LIMD1: variants seen among roughly 807,000 people sequenced by gnomAD.
LIMD1 encodes LIM domain containing 1.
LIMD1 carries 23 observed loss-of-function variants against 58.4 expected under a neutral mutation model. The ratio of observed to expected loss-of-function variants is 0.39; its 90% CI spans 0.28 to 0.56. The LOEUF is 0.56. Among genes scored for constraint, LIMD1 ranks in the 20% least tolerant of loss-of-function variants. The pLI is 0.57. For synonymous variants in LIMD1, 334 were observed against 345.5 expected (o/e 0.97, Z 0.37); for missense variants, 838 against 855.5 (o/e 0.98, Z 0.25).
chr3:45,648,250 A>ACT (rs1701927421), intron 2 of LIMD1, among the ~76,000 whole-genome samples: 1 of 151,702 alleles, frequency 6.6e-6, no homozygotes, highest in African/African-American at 2.4e-5. Context: ...TCACCTCCTT[A>ACT]CTCACCTTCC....
chr3:45,611,434 T>TA (rs1701521403), intron 1 of LIMD1, among the ~76,000 whole-genome samples: 1 of 152,156 alleles, frequency 6.6e-6, no homozygotes, highest in Non-Finnish European at 1.5e-5. Flanking sequence ...TCCAGCGCCT[T>TA]AAAAAATACA....
At chr3:45,634,061 A>G (rs1316631018) in intron 1 of LIMD1, among the ~76,000 whole-genome samples, 1 of 152,100 alleles carries the variant, frequency 6.6e-6, no homozygotes, top group Non-Finnish European at 1.5e-5. Flanking sequence ...TGTGAAGTTG[A>G]TTTTTCAAAA....
rs1206251618 is a variant in LIMD1, at chr3:45,685,682, C to T, written c.*8623C>T. Reference sequence around the variant, plus strand: ...TCTGGGGTACAGTGAGTCCACAGGGCAGGACGGCCTTGGAGTCAAGAGCCC... The same window carrying T: ...TCTGGGGTACAGTGAGTCCACAGGGTAGGACGGCCTTGGAGTCAAGAGCCC... On this transcript the variant is annotated 3_prime_UTR_variant, in exon 8 of 8. Transcript: ENST00000273317. 1 of 152,216 alleles carries T rather than the reference C, an allele frequency of 6.6e-6. No individual in the cohort carries two copies. Among genetic ancestry groups the T allele is most frequent in the Non-Finnish European group, 1.5e-5 (1 of 68,050 alleles). 9.4% of individuals were successfully genotyped at this position (152,216 alleles called of 1,614,324 possible).
chr3:45,596,516 G>A (rs1575339067), intron 1 of LIMD1, among the ~76,000 whole-genome samples: 1 of 152,210 alleles, frequency 6.6e-6, no homozygotes, highest in East Asian at 1.9e-4. Flanking sequence ...ACCCATGTGT[G>A]AAGGGTGCAG....
intron 3 of LIMD1, among the ~76,000 whole-genome samples, chr3:45,666,349 G>A (rs776211339): frequency 6.6e-6 from 1 of 152,098 alleles, no homozygotes; most frequent in Non-Finnish European, 1.5e-5. Flanking sequence ...TCATACCTCC[G>A]GCATGGCTCA....
chr3:45,683,687 G>C lies in LIMD1; in HGVS notation c.*6628G>C, dbSNP rs1405135588. ...TAGGGTGTACACCAAGTAACCAATGGGAAACCTCTAGAGGGTATTTAAATC... is the reference window on the plus strand; with the variant it reads ...TAGGGTGTACACCAAGTAACCAATGCGAAACCTCTAGAGGGTATTTAAATC... On this transcript the variant is annotated 3_prime_UTR_variant, in exon 8 of 8. Coordinates refer to ENST00000273317, the MANE Select transcript of LIMD1 (RefSeq NM_014240.3). 1 of 152,166 alleles carries C rather than the reference G, an allele frequency of 6.6e-6. No homozygotes were observed. The highest frequency in any genetic ancestry group is 1.5e-5 in the Non-Finnish European group (1 of 68,024). The allele number at this position is 152,166 out of a possible 1,614,324, so 9.4% of individuals were successfully genotyped here.
chr3:45,654,727 A>G (rs1262373582), intron 2 of LIMD1, among the ~76,000 whole-genome samples: 1 of 150,282 alleles, frequency 6.7e-6, no homozygotes, highest in Non-Finnish European at 1.5e-5. Context: ...CCAGCTACTC[A>G]AGGCTGAGGT....
chr3:45,595,639 C>T lies in LIMD1; in HGVS notation c.760C>T (p.Arg254Cys), dbSNP rs781113760. ...LGGQNSGIGG[R>C]SSEKPTGLWS... Reference sequence around the variant, plus strand: ...TGGTCAGAATAGTGGCATTGGTGGCCGCAGCAGCGAGAAGCCAACAGGCCT... The same window carrying T: ...TGGTCAGAATAGTGGCATTGGTGGCTGCAGCAGCGAGAAGCCAACAGGCCT... Residue 254 changes from arginine (R) to cysteine (C), a missense_variant, in exon 1 of 8, where the codon CGC (arginine) becomes TGC (cysteine). By Grantham distance (180) the Arg-to-Cys change is radical. Transcript: ENST00000273317. 27 of 1,613,974 alleles carry T rather than the reference C, an allele frequency of 1.7e-5. 1 individual carries two copies. The South Asian group carries it at 1.8e-4, about 11-fold the overall frequency.
At chr3:45,618,602 A>G (rs1701599300) in intron 1 of LIMD1, among the ~76,000 whole-genome samples, 1 of 152,156 alleles carries the variant, frequency 6.6e-6, no homozygotes. Flanking sequence ...TTTCCTAGAA[A>G]GGGAGGGAAG....
chr3:45,601,400 G>T lies in LIMD1; in HGVS notation c.1408+5113G>T, dbSNP rs979454568. ...ACTTTGGGCGAGGCAGCTCTGTGCA[G>T]CTGGGATAGTCTCTTCAGGGGCTGA... On this transcript the variant is annotated intron_variant, in intron 1 of 7. Transcript: ENST00000273317. Among the ~76,000 whole-genome samples the T allele has an allele frequency of 5.9e-5, 9 of 152,354 alleles. No individual in the cohort carries two copies. In the South Asian group the frequency reaches 1.7e-3, roughly 28 times the overall value.
chr3:45,607,465 A>T (rs925444811), intron 1 of LIMD1, among the ~76,000 whole-genome samples: 1 of 151,912 alleles, frequency 6.6e-6, no homozygotes, highest in African/African-American at 2.4e-5. Flanking sequence ...GGGAGTGAGG[A>T]TGGGTTACTC....
chr3:45,606,846 G>A (rs1043979570), intron 1 of LIMD1, among the ~76,000 whole-genome samples: 2 of 152,350 alleles, frequency 1.3e-5, no homozygotes, highest in Middle Eastern at 3.4e-3. Context: ...CCAGGCTGGA[G>A]TGCAGTGGCA....
intron 1 of LIMD1, among the ~76,000 whole-genome samples, chr3:45,634,316 T>C (rs970938331): frequency 4.6e-5 from 7 of 152,130 alleles, no homozygotes; most frequent in Non-Finnish European, 1.0e-4. Context: ...TTGACTGTAA[T>C]GGGGGAGTTC....
At position 45,679,592 on chromosome 3, in the gene LIMD1, TGAGGTAAAACAAG is replaced by T. The variant is rs2125672503; in HGVS notation, c.*2538_*2550del. On this transcript the variant is annotated 3_prime_UTR_variant, in exon 8 of 8. Transcript: ENST00000273317. ...TTTTCTTTTTGACAATTCTTGGACT[TGAGGTAAAACAAG>T]GAGGATTGTGGCCGGATTTCAGATC... The T allele has an allele frequency of 6.6e-6, 1 of 152,330 alleles. No individual in the cohort carries two copies. The highest frequency in any genetic ancestry group is 2.4e-5 in the African/African-American group (1 of 41,574). 9.4% of individuals were successfully genotyped at this position (152,330 alleles called of 1,614,324 possible). A position where few individuals can be genotyped will look rare whatever the true frequency, so the allele number is the denominator to read the frequency against.
At chr3:45,596,491 C>G (rs575943478) in intron 1 of LIMD1, among the ~76,000 whole-genome samples, 7 of 152,280 alleles carry the variant, frequency 4.6e-5, no homozygotes, top group South Asian at 4.2e-4. Flanking sequence ...GAAAGCGGAC[C>G]TTGCAGCTGG....
chr3:45,678,906 C>G lies in LIMD1; in HGVS notation c.*1847C>G, dbSNP rs1697704487. 1 of 152,212 alleles carries G rather than the reference C, an allele frequency of 6.6e-6. No homozygotes were observed. The highest frequency in any genetic ancestry group is 2.4e-5 in the African/African-American group (1 of 41,430). The allele number at this position is 152,212 out of a possible 1,614,324, so 9.4% of individuals were successfully genotyped here. On this transcript the variant is annotated 3_prime_UTR_variant, in exon 8 of 8. Coordinates refer to ENST00000273317, the MANE Select transcript of LIMD1 (RefSeq NM_014240.3). ...TCACTTCAGCCAGGGTGTGCATCAT[C>G]ATTGGTTCTTTTTCACAGGCTGAGC...
chr3:45,673,655 G>A, intron 6 of LIMD1, 150 bp downstream of exon 6: 1 of 650,716 alleles, frequency 1.5e-6, no homozygotes, highest in Non-Finnish European at 2.6e-6. Context: ...GCTCACGCCT[G>A]TAATCCCACC....
At position 45,625,852 on chromosome 3, in the gene LIMD1, C is replaced by T. The variant is rs1701664702; in HGVS notation, c.1409-10298C>T. On this transcript the variant is annotated intron_variant, in intron 1 of 7. Coordinates refer to ENST00000273317, the MANE Select transcript of LIMD1 (RefSeq NM_014240.3). ...AAATGTCTGCTCTTTATAAATTACT[C>T]AGTCTCGGGTATTCCATTATAGTAG... Among the ~76,000 whole-genome samples, 3 of 152,280 alleles carry T rather than the reference C, an allele frequency of 2.0e-5. No homozygotes were observed. In the South Asian group the frequency reaches 6.2e-4, roughly 32 times the overall value.
intron 4 of LIMD1, among the ~76,000 whole-genome samples, chr3:45,671,022 T>C (rs1697580442): frequency 6.6e-6 from 1 of 152,170 alleles, no homozygotes; most frequent in African/African-American, 2.4e-5. Flanking sequence ...TTAGGCACAA[T>C]GTGGATTAAA....
Sources: allele counts gnomAD v4.1 joint callset (sites outside exome capture counted in the v4.1 genomes callset), GRCh38; gene constraint gnomAD v4.1.1; transcripts MANE v1.5; gene names NCBI Gene and HGNC (gene_info 2026-07-23, HGNC 2026-07-21).